The following TMEFF2 variants were observed in gnomAD, a reference collection of about 807,000 sequenced individuals.
TMEFF2 encodes the protein tomoregulin-2.
TMEFF2 carries 28 observed loss-of-function variants against 53.8 expected under a neutral mutation model. That is an observed-to-expected ratio of 0.52 (90% CI 0.39 to 0.71). The LOEUF (loss-of-function observed/expected upper bound fraction) is 0.71. TMEFF2 is among the 30% of genes least tolerant of loss of function. TMEFF2 has a pLI of 0.00. For missense variants in TMEFF2, 353 were observed against 455.2 expected, an observed-to-expected ratio of 0.78 and a Z score of 2.04; for synonymous variants, 162 against 166.3, an observed-to-expected ratio of 0.97 and a Z score of 0.20.
At chr2:192,186,303 C>T (rs954791838) in intron 2 of TMEFF2, among the ~76,000 whole-genome samples, 8 of 152,136 alleles carry the variant, frequency 5.3e-5, no homozygotes, top group African/African-American at 1.7e-4. Flanking sequence ...TGAGCATCTC[C>T]ACTACCATCC....
Position 191,952,495 on chromosome 2 carries a change from G to A in TMEFF2, c.1028+1184C>T, listed in dbSNP as rs188342715. ...TCTTTTCTTTTTCTTTTTATATGCA[G>A]TATTTTTGGTTTCTTGTAATCCTTA... On this transcript the variant is annotated intron_variant, in intron 9 of 9. Transcript: ENST00000272771. Among the ~76,000 whole-genome samples the A allele has an allele frequency of 5.3e-5, 8 of 152,132 alleles. No homozygotes were observed. In the East Asian group the frequency reaches 1.5e-3, roughly 29 times the overall value.
intron 5 of TMEFF2, among the ~76,000 whole-genome samples, chr2:192,011,749 G>A (rs1420276733): frequency 6.6e-6 from 1 of 152,056 alleles, no homozygotes; most frequent in Non-Finnish European, 1.5e-5. Flanking sequence ...TTTGGTCAAT[G>A]TATATATTAT....
chr2:192,028,937 C>G (rs1040415165), intron 5 of TMEFF2: 1 of 152,014 alleles, frequency 6.6e-6, no homozygotes, highest in African/African-American at 2.4e-5. Flanking sequence ...CATAGGAAGT[C>G]AAGAAAAAGA....
chr2:192,049,469 A>T (rs924008515), intron 5 of TMEFF2, among the ~76,000 whole-genome samples: 2 of 152,192 alleles, frequency 1.3e-5, no homozygotes, highest in African/African-American at 4.8e-5. Flanking sequence ...GATAACTACA[A>T]TGAGATTCCT....
At chr2:192,024,711 T>G (rs1179238132) in intron 5 of TMEFF2, among the ~76,000 whole-genome samples, 1 of 152,226 alleles carries the variant, frequency 6.6e-6, no homozygotes, top group East Asian at 1.9e-4. Context: ...AAGCACTTTA[T>G]TTGGAGTCTA....
chr2:192,133,200 C>T (rs1219599373), intron 4 of TMEFF2, among the ~76,000 whole-genome samples: 1 of 152,262 alleles, frequency 6.6e-6, no homozygotes. Flanking sequence ...ACTAAATTAT[C>T]TGCTTCCCTG....
intron 4 of TMEFF2, among the ~76,000 whole-genome samples, chr2:192,146,346 A>G (rs184991222): frequency 2.0e-5 from 3 of 152,060 alleles, no homozygotes; most frequent in African/African-American, 7.2e-5. Context: ...GCTAGATTAA[A>G]ATATGCCAGG....
In TMEFF2 at chr2:192,109,549, T is replaced by C. The variant is rs531857884; in HGVS notation, c.440-51774A>G. On this transcript the variant is annotated intron_variant, in intron 4 of 9. Transcript: ENST00000272771. ...CTGGATTTAATGAACACTTACAATGTTATCTCTGTTATAGATAAGATAAAA... is the reference window on the plus strand; with the variant it reads ...CTGGATTTAATGAACACTTACAATGCTATCTCTGTTATAGATAAGATAAAA... Among the ~76,000 whole-genome samples the C allele has an allele frequency of 1.5e-4, 23 of 152,212 alleles. No homozygotes were observed. In the South Asian group the frequency reaches 1.7e-3, roughly 11 times the overall value.
At chr2:192,101,950 G>A (rs555092735) in intron 4 of TMEFF2, among the ~76,000 whole-genome samples, 1 of 152,222 alleles carries the variant, frequency 6.6e-6, no homozygotes, top group Non-Finnish European at 1.5e-5. Context: ...TAAAATGGTG[G>A]TGATGATTAT....
chr2:191,992,660 ACTTT>A (rs1559075436), intron 7 of TMEFF2: 1 of 152,052 alleles, frequency 6.6e-6, no homozygotes, highest in Non-Finnish European at 1.5e-5. Flanking sequence ...AAAAATTTTT[ACTTT>A]CTGTTTATTT....
At chr2:191,957,017 CTGTAAG>C (rs1171710236) in intron 7 of TMEFF2, among the ~76,000 whole-genome samples, 3 of 152,184 alleles carry the variant, frequency 2.0e-5, no homozygotes, top group African/African-American at 7.2e-5. Flanking sequence ...ACACTGAATA[CTGTAAG>C]TGTATTTAAA....
chr2:192,170,656 T>C (rs890748111), intron 4 of TMEFF2, among the ~76,000 whole-genome samples: 8 of 152,004 alleles, frequency 5.3e-5, no homozygotes, highest in South Asian at 2.1e-4. Flanking sequence ...GCAGTTTAAA[T>C]AACCAATCTG....
chr2:192,118,524 C>A (rs552306182), intron 4 of TMEFF2, among the ~76,000 whole-genome samples: 1 of 152,248 alleles, frequency 6.6e-6, no homozygotes, highest in Non-Finnish European at 1.5e-5. Context: ...TTCAGAAATG[C>A]CTCTATGGGT....
intron 4 of TMEFF2, among the ~76,000 whole-genome samples, chr2:192,142,302 GTGGGCCAAATGTAGTGCCTTT>G (rs1251358383): frequency 6.6e-6 from 1 of 152,076 alleles, no homozygotes; most frequent in East Asian, 1.9e-4. Flanking sequence ...TTAGTTCTCA[GTGGGCCAAATGTAGTGCCTTT>G]TGGTTTGAAG....
At position 191,964,283 on chromosome 2, in the gene TMEFF2, TTTTCCTTC is replaced by T. The variant is rs372730139; in HGVS notation, c.746-7913_746-7906del. On this transcript the variant is annotated intron_variant, in intron 7 of 9. Coordinates refer to ENST00000272771, the MANE Select transcript of TMEFF2 (RefSeq NM_016192.4). Reference sequence around the variant, plus strand: ...TCCTTTCTTTTCTTTTTTCTTTTCCTTTTCCTTCTTTCCTTCTTTCCTTCTTTCTTTCC... The same window carrying T: ...TCCTTTCTTTTCTTTTTTCTTTTCCTTTTCCTTCTTTCCTTCTTTCTTTCC... Among the ~76,000 whole-genome samples the T allele has an allele frequency of 1.9e-3, 281 of 149,374 alleles. 6 individuals carry two copies. Among genetic ancestry groups the T allele is most frequent in the African/African-American group, 5.8e-3 (231 of 39,788 alleles).
chr2:192,169,372 C>T (rs1690851204), intron 4 of TMEFF2, among the ~76,000 whole-genome samples: 1 of 151,956 alleles, frequency 6.6e-6, no homozygotes, highest in Non-Finnish European at 1.5e-5. Flanking sequence ...ATGGTCTATC[C>T]CACTGAACTA....
chr2:192,169,520 G>A (rs146229905), intron 4 of TMEFF2, among the ~76,000 whole-genome samples: 35 of 152,228 alleles, frequency 2.3e-4, no homozygotes, highest in African/African-American at 8.2e-4. Flanking sequence ...TCCTAAGGAT[G>A]ATGGACAGCC....
At chr2:191,989,684 A>G (rs1290385153) in intron 7 of TMEFF2, among the ~76,000 whole-genome samples, 1 of 152,130 alleles carries the variant, frequency 6.6e-6, no homozygotes, top group East Asian at 1.9e-4. Context: ...GTCACTATCC[A>G]AAGTATAATT....
At chr2:192,005,415 C>G (rs1020345065) in intron 5 of TMEFF2, among the ~76,000 whole-genome samples, 2 of 152,188 alleles carry the variant, frequency 1.3e-5, no homozygotes, top group South Asian at 2.1e-4. Context: ...AATGCAGAAC[C>G]TGGCAGCTAG....
Sources: gnomAD v4.1 joint callset for allele counts (sites outside exome capture counted in the v4.1 genomes callset) on GRCh38, gnomAD v4.1.1 for gene constraint, MANE v1.5 for transcripts, NCBI Gene and HGNC (gene_info 2026-07-23, HGNC 2026-07-21) for gene names.